The following RBM20 variants were observed in gnomAD, a reference collection of about 807,000 sequenced individuals.
The protein encoded by RBM20 is RNA binding motif protein 20.
A neutral mutation model predicts 110.1 loss-of-function variants in RBM20; 51 were observed. The observed-to-expected ratio is 0.46, with a 90% confidence interval of 0.37 to 0.59. The LOEUF (loss-of-function observed/expected upper bound fraction) is 0.59, where lower values mean the gene tolerates loss of function less well. RBM20 is among the 20% of genes least tolerant of loss of function. The pLI is 0.00. For missense variants in RBM20, 1,512 were observed against 1,574.9 expected, an observed-to-expected ratio of 0.96 and a Z score of 0.68; for synonymous variants, 589 against 618.2, an observed-to-expected ratio of 0.95 and a Z score of 0.70.
At chr10:110,724,542 T>C (rs1344561790) in intron 1 of RBM20, among the ~76,000 whole-genome samples, 1 of 152,162 alleles carries the variant, frequency 6.6e-6, no homozygotes, top group Non-Finnish European at 1.5e-5. Flanking sequence ...ACGTTAGCAC[T>C]GTGAGTGGGG....
chr10:110,805,027 G>A (rs768101453), intron 7 of RBM20, among the ~76,000 whole-genome samples: 41 of 152,218 alleles, frequency 2.7e-4, no homozygotes, highest in Non-Finnish European at 3.1e-4. Flanking sequence ...CTTGTGAATG[G>A]TCCATGGTGC....
chr10:110,721,566 C>G (rs1843507456), intron 1 of RBM20, among the ~76,000 whole-genome samples: 1 of 152,158 alleles, frequency 6.6e-6, no homozygotes, highest in Non-Finnish European at 1.5e-5. Flanking sequence ...ATCATCACTG[C>G]ACTGACCGTG....
chr10:110,750,502 C>T (rs1034326038), intron 1 of RBM20, among the ~76,000 whole-genome samples: 2 of 152,202 alleles, frequency 1.3e-5, no homozygotes, highest in South Asian at 2.1e-4. Flanking sequence ...GAAGGAAGAA[C>T]GCGTGGGGAA....
At chr10:110,725,916 CG>C (rs1219492330) in intron 1 of RBM20, among the ~76,000 whole-genome samples, 2 of 152,196 alleles carry the variant, frequency 1.3e-5, no homozygotes, top group Non-Finnish European at 2.9e-5. Context: ...GAATCTGCTG[CG>C]TGTGCAGCCT....
chr10:110,804,206 T>C (rs987274167), intron 7 of RBM20, among the ~76,000 whole-genome samples: 1 of 152,234 alleles, frequency 6.6e-6, no homozygotes, highest in Non-Finnish European at 1.5e-5. Context: ...TGGCCAGGGC[T>C]AGGCCATGCT....
At chr10:110,778,771 CT>C (rs1204516357) in intron 1 of RBM20, among the ~76,000 whole-genome samples, 1 of 152,230 alleles carries the variant, frequency 6.6e-6, no homozygotes, top group African/African-American at 2.4e-5. Context: ...CAAAGATTCC[CT>C]CCCTGCCTGT....
chr10:110,814,366 A>T (rs1404380696), intron 9 of RBM20, among the ~76,000 whole-genome samples: 1 of 144,422 alleles, frequency 6.9e-6, no homozygotes, highest in Non-Finnish European at 1.5e-5. Flanking sequence ...GACTCATGCC[A>T]GCATTTACAG....
chr10:110,813,586 G>A (rs550605438), intron 9 of RBM20, among the ~76,000 whole-genome samples: 4 of 152,232 alleles, frequency 2.6e-5, no homozygotes, highest in South Asian at 2.1e-4. Context: ...TGTAATCCTA[G>A]CACTTTGGGA....
At chr10:110,736,926 G>A (rs1590644980) in intron 1 of RBM20, among the ~76,000 whole-genome samples, 1 of 151,944 alleles carries the variant, frequency 6.6e-6, no homozygotes, top group East Asian at 1.9e-4. Flanking sequence ...TGTAATCCCA[G>A]CACTTTGGAA....
At chr10:110,761,097 C>CAAAAAAAAAAA (rs201013581) in intron 1 of RBM20, 3 of 76,648 alleles carry the variant, frequency 3.9e-5, no homozygotes, top group Admixed American at 1.5e-4. Context: ...GACTCCATCT[C>CAAAAAAAAAAA]AAAAAAAAAA....
intron 1 of RBM20, among the ~76,000 whole-genome samples, chr10:110,665,797 C>G (rs932650441): frequency 6.6e-6 from 1 of 152,076 alleles, no homozygotes; most frequent in Admixed American, 6.6e-5. Flanking sequence ...TTATTTATAG[C>G]TGTGGTAATG....
At chr10:110,734,739 A>T (rs1395596464) in intron 1 of RBM20, among the ~76,000 whole-genome samples, 3 of 151,432 alleles carry the variant, frequency 2.0e-5, no homozygotes, top group Admixed American at 2.0e-4. Context: ...CTCCTGACTC[A>T]GTTTCTTGGG....
At chr10:110,675,340 G>C (rs1309984658) in intron 1 of RBM20, among the ~76,000 whole-genome samples, 1 of 152,184 alleles carries the variant, frequency 6.6e-6, no homozygotes, top group Non-Finnish European at 1.5e-5. Flanking sequence ...GTTAAGAAGC[G>C]AGGCTTATCC....
At position 110,780,834 on chromosome 10, in the gene RBM20, G is replaced by T. The variant is rs1170141703; in HGVS notation, c.225G>T (p.Ser75=). The T allele has an allele frequency of 1.3e-6, 2 of 1,538,430 alleles. No homozygotes were observed. The highest frequency in any genetic ancestry group is 1.2e-5 in the South Asian group (1 of 82,396). ...AAKLLDKNPF[S]VSNPNPLLPS... The stretch of plus-strand genomic sequence containing the variant: ...AGCTCCTGGACAAGAACCCATTCTC[G>T]GTCAGTAACCCGAACCCTCTGCTTC... Residue 75 remains serine, a synonymous_variant, in exon 2 of 14, where the codon TCG becomes TCT. Transcript: ENST00000369519.
In RBM20 at chr10:110,834,206, T is replaced by C. The variant is rs112145564; in HGVS notation, c.3574-1662T>C. On this transcript the variant is annotated intron_variant, in intron 13 of 13. Transcript: ENST00000369519. ...CGGAATGTGTCCACGTACTGGGCGC[T>C]CATTCGCTTGCCTTCCTCAGCACAC... Among the ~76,000 whole-genome samples the C allele has an allele frequency of 1.6e-3, 247 of 152,300 alleles. 2 individuals carry two copies. Among genetic ancestry groups the C allele is most frequent in the African/African-American group, 5.7e-3 (238 of 41,556 alleles).
Position 110,837,353 on chromosome 10 carries a change from G to A in RBM20, c.*1375G>A, listed in dbSNP as rs539799755. Reference sequence around the variant, plus strand: ...GGATAAAGGTGCTGGGGGAAATGAGGCTCTGCCACAGCCATAGAGAGGCCC... The same window carrying A: ...GGATAAAGGTGCTGGGGGAAATGAGACTCTGCCACAGCCATAGAGAGGCCC... On this transcript the variant is annotated 3_prime_UTR_variant, in exon 14 of 14. Coordinates refer to ENST00000369519, the MANE Select transcript of RBM20 (RefSeq NM_001134363.3). 6.6e-6 allele frequency: 1 copy of A among 152,348 alleles called. No homozygotes were observed. The highest frequency in any genetic ancestry group is 1.9e-4 in the East Asian group (1 of 5,194). The allele number at this position is 152,348 out of a possible 1,614,324, so 9.4% of individuals were successfully genotyped here. A position where few individuals can be genotyped will look rare whatever the true frequency, so the allele number is the denominator to read the frequency against.
chr10:110,797,377 TC>T, intron 5 of RBM20, 130 bp from the exon 6 acceptor site: 2 of 875,260 alleles, frequency 2.3e-6, no homozygotes, highest in Non-Finnish European at 3.3e-6. Flanking sequence ...ATGGATTTTT[TC>T]TGCATTAATT....
At chr10:110,771,127 G>T (rs1289508369) in intron 1 of RBM20, among the ~76,000 whole-genome samples, 1 of 152,114 alleles carries the variant, frequency 6.6e-6, no homozygotes, top group Non-Finnish European at 1.5e-5. Context: ...CATGGAGCAG[G>T]CATGTCCATG....
chr10:110,837,034 G>A lies in RBM20; in HGVS notation c.*1056G>A, dbSNP rs1025171316. ...TTCAGCCTTGGTGCCTGCACTCTGG[G>A]GTACAACCACCTCACAGTAGGATGG... On this transcript the variant is annotated 3_prime_UTR_variant, in exon 14 of 14. Coordinates refer to ENST00000369519, the MANE Select transcript of RBM20 (RefSeq NM_001134363.3). 1 of 152,158 alleles carries A rather than the reference G, an allele frequency of 6.6e-6. No individual in the cohort carries two copies. 9.4% of individuals were successfully genotyped at this position (152,158 alleles called of 1,614,324 possible). A position where few individuals can be genotyped will look rare whatever the true frequency, so the allele number is the denominator to read the frequency against.
Sources: gnomAD v4.1 joint callset for allele counts (sites outside exome capture counted in the v4.1 genomes callset) on GRCh38, gnomAD v4.1.1 for gene constraint, MANE v1.5 for transcripts, NCBI Gene and HGNC (gene_info 2026-07-23, HGNC 2026-07-21) for gene names.